ADAMTSL1: variants seen among roughly 807,000 people sequenced by gnomAD.
ADAMTSL1 encodes the protein ADAMTS-like protein 1.
ADAMTSL1 carries 126 observed loss-of-function variants against 201.8 expected under a neutral mutation model. The observed-to-expected ratio is 0.62, with a 90% CI of 0.54 to 0.72. The LOEUF (loss-of-function observed/expected upper bound fraction) is 0.72. ADAMTSL1 is among the 30% of genes least tolerant of loss of function. ADAMTSL1 has a pLI of 0.00. For synonymous variants in ADAMTSL1, 1,121 were observed against 903.4 expected (o/e 1.24, Z -4.32); for missense variants, 2,679 against 2,277.8 (o/e 1.18, Z -3.59).
At chr9:18,719,253 A>G (rs1157927380) in intron 14 of ADAMTSL1, among the ~76,000 whole-genome samples, 2 of 152,232 alleles carry the variant, frequency 1.3e-5, no homozygotes, top group African/African-American at 4.8e-5. Flanking sequence ...ATTTAAATTA[A>G]ATTTTGAAGC....
chr9:17,946,730 A>T (rs1827503739), intron 1 of ADAMTSL1, among the ~76,000 whole-genome samples: 1 of 152,136 alleles, frequency 6.6e-6, no homozygotes, highest in South Asian at 2.1e-4. Context: ...CTCACCATTG[A>T]ATTATTTCAG....
chr9:18,115,234 T>A (rs78642495), intron 1 of ADAMTSL1, among the ~76,000 whole-genome samples: 1 of 152,224 alleles, frequency 6.6e-6, no homozygotes, highest in Non-Finnish European at 1.5e-5. Context: ...ATTAATTTAG[T>A]GATATTTCTC....
At chr9:18,905,726 G>A (rs536648695) in intron 26 of ADAMTSL1, 56 bp from the exon 27 acceptor site, 55 of 1,413,838 alleles carry the variant, frequency 3.9e-5, no homozygotes, top group Middle Eastern at 1.9e-4. Flanking sequence ...CAAGCACGGC[G>A]GCCTCCACCC....
chr9:18,540,483 G>T (rs1820064182), intron 3 of ADAMTSL1, among the ~76,000 whole-genome samples: 1 of 152,134 alleles, frequency 6.6e-6, no homozygotes, highest in South Asian at 2.1e-4. Flanking sequence ...TAGTATGTTT[G>T]GAAGGTGAGG....
chr9:17,954,218 C>G (rs767416243), intron 1 of ADAMTSL1, among the ~76,000 whole-genome samples: 5 of 152,276 alleles, frequency 3.3e-5, no homozygotes, highest in Non-Finnish European at 7.4e-5. Context: ...CTGGCTTCTC[C>G]TAGAGTAAGC....
At chr9:17,990,053 G>C (rs766826177) in intron 1 of ADAMTSL1, among the ~76,000 whole-genome samples, 8 of 151,690 alleles carry the variant, frequency 5.3e-5, no homozygotes, top group Non-Finnish European at 8.8e-5. Context: ...TAAATGAAAA[G>C]CAGGATTATT....
At chr9:18,496,574 C>G (rs1232426987) in intron 1 of ADAMTSL1, among the ~76,000 whole-genome samples, 1 of 152,174 alleles carries the variant, frequency 6.6e-6, no homozygotes, top group East Asian at 1.9e-4. Flanking sequence ...TTGAGAGTGA[C>G]ATGAAGTTAG....
chr9:18,224,557 A>G lies in ADAMTSL1; in HGVS notation c.207+60576A>G, dbSNP rs113104839. 5.9e-3 allele frequency among the ~76,000 whole-genome samples: 906 copies of G among 152,286 alleles called. 7 individuals are homozygous for G. Among genetic ancestry groups the G allele is most frequent in the African/African-American group, 0.02 (831 of 41,572 alleles). ...CCCCAAATTTATGTGCTTCTCACAT[A>G]CAAAATACATCAATTTCATCTCAAT... On this transcript the variant is annotated intron_variant, in intron 2 of 29. Transcript: ENST00000680146.
intron 3 of ADAMTSL1, among the ~76,000 whole-genome samples, chr9:18,546,686 A>T (rs1053322813): frequency 1.3e-5 from 2 of 152,144 alleles, no homozygotes; most frequent in African/African-American, 4.8e-5. Context: ...TGTTATAGAT[A>T]TTGGAAGTAA....
At chr9:18,505,067 A>T in intron 2 of ADAMTSL1, 111 bp downstream of exon 2, 1 of 1,330,756 alleles carries the variant, frequency 7.5e-7, no homozygotes, top group African/African-American at 1.5e-5. Context: ...AGATCCAGAT[A>T]AAAGAAAAGA....
chr9:17,992,822 G>A (rs928551660), intron 1 of ADAMTSL1, among the ~76,000 whole-genome samples: 4 of 152,172 alleles, frequency 2.6e-5, no homozygotes, highest in African/African-American at 9.6e-5. Context: ...CAACTAGAGA[G>A]TAAGGCAAGA....
chr9:17,940,394 C>T (rs1046706941), intron 1 of ADAMTSL1, among the ~76,000 whole-genome samples: 5 of 151,988 alleles, frequency 3.3e-5, no homozygotes, highest in Non-Finnish European at 7.4e-5. Context: ...CAGCAGAATT[C>T]AGTAACTGAT....
intron 6 of ADAMTSL1, 58 bp from the exon 7 acceptor site, chr9:18,639,196 T>A: frequency 2.6e-6 from 4 of 1,542,422 alleles, no homozygotes; most frequent in Non-Finnish European, 3.6e-6. Flanking sequence ...TGAAATGTGC[T>A]TGCCTGTGGT....
chr9:17,953,747 G>C (rs1827823786), intron 1 of ADAMTSL1, among the ~76,000 whole-genome samples: 1 of 152,168 alleles, frequency 6.6e-6, no homozygotes, highest in South Asian at 2.1e-4. Flanking sequence ...AAAGGTTACT[G>C]TTTCAGTTAT....
At chr9:18,730,899 T>A (rs1280609396) in intron 15 of ADAMTSL1, among the ~76,000 whole-genome samples, 1 of 152,220 alleles carries the variant, frequency 6.6e-6, no homozygotes, top group Non-Finnish European at 1.5e-5. Context: ...CTAAAGGAGC[T>A]ACTATGTGAT....
intron 1 of ADAMTSL1, among the ~76,000 whole-genome samples, chr9:18,093,310 T>A (rs1387424022): frequency 6.6e-6 from 1 of 152,240 alleles, no homozygotes; most frequent in African/African-American, 2.4e-5. Context: ...TTATCCTTTG[T>A]TATCTCATTC....
At chr9:18,892,639 G>C in intron 26 of ADAMTSL1, 43 bp downstream of exon 26, 1 of 1,537,160 alleles carries the variant, frequency 6.5e-7, no homozygotes, top group Non-Finnish European at 8.8e-7. Context: ...TAAATCTAAA[G>C]GAATGGACCC....
At chr9:18,339,000 C>A (rs980930100) in intron 2 of ADAMTSL1, among the ~76,000 whole-genome samples, 2 of 152,114 alleles carry the variant, frequency 1.3e-5, no homozygotes, top group African/African-American at 4.8e-5. Context: ...ATACGTACCA[C>A]CTTTTAAAAA....
At chr9:18,130,966 T>C (rs978685102) in intron 1 of ADAMTSL1, among the ~76,000 whole-genome samples, 1 of 152,148 alleles carries the variant, frequency 6.6e-6, no homozygotes, top group Non-Finnish European at 1.5e-5. Context: ...GAAACTAAAA[T>C]CTGGGTGGGC....
Sources: gnomAD v4.1 joint callset for allele counts (sites outside exome capture counted in the v4.1 genomes callset) on GRCh38, gnomAD v4.1.1 for gene constraint, MANE v1.5 for transcripts, NCBI Gene and HGNC (gene_info 2026-07-23, HGNC 2026-07-21) for gene names.